Variants in ABCA13 observed in about 807,000 individuals in gnomAD.
ABCA13 encodes the protein ATP binding cassette subfamily A member 13.
In ABCA13, 476 loss-of-function variants were observed where a neutral mutation model predicts 478.7. The observed-to-expected ratio is 0.99, with a 90% CI of 0.92 to 1.07. The LOEUF is 1.07. Among genes scored for constraint, ABCA13 ranks in the 50% least tolerant of loss-of-function variants. The pLI, the probability that ABCA13 is intolerant of heterozygous loss-of-function variation, is 0.00. For missense variants in ABCA13, 6,060 were observed against 5,910.6 expected (o/e 1.03, Z -0.83); for synonymous variants, 2,252 against 2,158.9 (o/e 1.04, Z -1.20).
At chr7:48,234,444 G>A (rs1358977182) in intron 8 of ABCA13, among the ~76,000 whole-genome samples, 4 of 152,194 alleles carry the variant, frequency 2.6e-5, no homozygotes, top group Non-Finnish European at 4.4e-5. Flanking sequence ...TCAAGTGAGG[G>A]TGTGAGATTC....
chr7:48,175,638 C>G (rs1005997533), intron 1 of ABCA13, among the ~76,000 whole-genome samples: 1 of 152,154 alleles, frequency 6.6e-6, no homozygotes, highest in African/African-American at 2.4e-5. Flanking sequence ...CCAGGCTTGC[C>G]TAGAACTCCT....
chr7:48,265,378 A>T (rs1562911350), intron 15 of ABCA13, among the ~76,000 whole-genome samples: 1 of 151,502 alleles, frequency 6.6e-6, no homozygotes, highest in Non-Finnish European at 1.5e-5. Flanking sequence ...ATTAAGGGAG[A>T]ATTAACTTTT....
intron 42 of ABCA13, among the ~76,000 whole-genome samples, chr7:48,451,437 C>T (rs1382870413): frequency 6.6e-6 from 1 of 152,134 alleles, no homozygotes; most frequent in African/African-American, 2.4e-5. Context: ...GACCTGTTCT[C>T]CCACCAGGAA....
intron 41 of ABCA13, among the ~76,000 whole-genome samples, chr7:48,417,930 C>T (rs1820247940): frequency 6.6e-6 from 1 of 152,178 alleles, no homozygotes; most frequent in Non-Finnish European, 1.5e-5. Context: ...GGGAATCATA[C>T]AACCCTTGTA....
intron 41 of ABCA13, among the ~76,000 whole-genome samples, chr7:48,416,321 G>A (rs1011882898): frequency 6.6e-6 from 1 of 152,242 alleles, no homozygotes; most frequent in African/African-American, 2.4e-5. Context: ...ATGTCTGATA[G>A]GTTCCGCCTA....
chr7:48,222,780 A>T (rs1472324122), intron 5 of ABCA13, among the ~76,000 whole-genome samples: 1 of 152,158 alleles, frequency 6.6e-6, no homozygotes, highest in East Asian at 1.9e-4. Context: ...ATACCGTTTG[A>T]TTTTCACTGA....
intron 41 of ABCA13, among the ~76,000 whole-genome samples, chr7:48,424,626 A>G (rs1024863215): frequency 3.3e-5 from 5 of 152,228 alleles, no homozygotes; most frequent in African/African-American, 1.2e-4. Context: ...TGGAAATTCT[A>G]TGTCCAGAAT....
At chr7:48,453,977 A>G (rs552813897) in intron 42 of ABCA13, among the ~76,000 whole-genome samples, 32 of 152,298 alleles carry the variant, frequency 2.1e-4, no homozygotes, top group African/African-American at 6.7e-4. Context: ...TCTCTTTCAC[A>G]TGGTACAGCT....
At position 48,273,264 on chromosome 7, in the gene ABCA13, C is replaced by T. The variant is rs2128752048; in HGVS notation, c.3598C>T (p.Leu1200Phe). Residue 1200 changes from leucine to phenylalanine, a missense_variant, in exon 17 of 62, where the codon CTT becomes TTT. Around this residue, in one of 3 missense-constraint regions of ABCA13, gnomAD observed 4,423 missense variants for 4,309.1 expected, o/e 1.03. Coordinates refer to ENST00000435803, the MANE Select transcript of ABCA13 (RefSeq NM_152701.5). ...AGTCTCTAAAAGCTGCCAGGGTATACTTCCCACCCATAATGTTGCTAGACT... is the reference window on the plus strand; with the variant it reads ...AGTCTCTAAAAGCTGCCAGGGTATATTTCCCACCCATAATGTTGCTAGACT... ...VKVSKSCQGILPTHNVARLIL... is the reference protein window; with the variant it reads ...VKVSKSCQGIFPTHNVARLIL... 6.2e-7 allele frequency: 1 copy of T among 1,613,682 alleles called. No homozygotes were observed. Among genetic ancestry groups the T allele is most frequent in the Non-Finnish European group, 8.5e-7 (1 of 1,179,764 alleles).
In ABCA13 at chr7:48,274,095, G is replaced by T; in HGVS notation, c.4429G>T (p.Val1477Phe). The change falls in exon 17 of 62, where the codon GTC becomes TTC. Residue 1477 changes from valine to phenylalanine, a missense_variant. Transcript: ENST00000435803. ...TDFLNIVLTT[V>F]FEKEKKPKFE... ...CTTTCTAAATATTGTACTTACTACA[G>T]TCTTTGAAAAAGAGAAGAAACCTAA... 6.2e-7 allele frequency: 1 copy of T among 1,606,696 alleles called. No homozygotes were observed. The highest frequency in any genetic ancestry group is 8.5e-7 in the Non-Finnish European group (1 of 1,176,040).
At chr7:48,594,036 G>A (rs1790034522) in intron 57 of ABCA13, among the ~76,000 whole-genome samples, 1 of 151,804 alleles carries the variant, frequency 6.6e-6, no homozygotes, top group Non-Finnish European at 1.5e-5. Context: ...TAATTTGTTG[G>A]GTTGAAGCTA....
At position 48,221,281 on chromosome 7, in the gene ABCA13, A is replaced by T; in HGVS notation, c.440A>T (p.Asp147Val). The change falls in exon 5 of 62, where the codon GAT becomes GTT. Residue 147 changes from aspartate (D) to valine (V), a missense_variant and splice_region_variant. Physicochemically the swap from Asp to Val is radical, Grantham distance 152 (BLOSUM62 -3). Around this residue, in one of 3 missense-constraint regions of ABCA13, gnomAD observed 4,423 missense variants for 4,309.1 expected, o/e 1.03. Transcript: ENST00000435803. ...ATCTCTTAAACCTTCTTTATTATAGATTCTTCTTATGGTTCCAGTTTTTTT... is the reference window on the plus strand; with the variant it reads ...ATCTCTTAAACCTTCTTTATTATAGTTTCTTCTTATGGTTCCAGTTTTTTT... ...RLWVERSNTP[D>V]SSYGSSFFTM... 1.7e-6 allele frequency: 2 copies of T among 1,165,452 alleles called. No individual in the cohort carries two copies. The highest frequency in any genetic ancestry group is 2.1e-4 in the Middle Eastern group (1 of 4,826). 72.2% of individuals were successfully genotyped at this position (1,165,452 alleles called of 1,614,324 possible). A position where few individuals can be genotyped will look rare whatever the true frequency, so the allele number is the denominator to read the frequency against.
At chr7:48,367,769 T>G in intron 31 of ABCA13, 25 bp from the exon 32 acceptor site, 3 of 1,523,178 alleles carry the variant, frequency 2.0e-6, no homozygotes, top group African/African-American at 1.4e-5. Flanking sequence ...TGTCTCCGGA[T>G]GCTGACTGAA....
intron 15 of ABCA13, among the ~76,000 whole-genome samples, chr7:48,267,023 A>G (rs756336492): frequency 6.6e-6 from 1 of 151,916 alleles, no homozygotes; most frequent in Non-Finnish European, 1.5e-5. Context: ...ATTTAATTTC[A>G]TTTTAACCAG....
chr7:48,519,333 T>C (rs1832365936), intron 52 of ABCA13, among the ~76,000 whole-genome samples: 1 of 152,228 alleles, frequency 6.6e-6, no homozygotes, highest in African/African-American at 2.4e-5. Context: ...ATGAGATTGC[T>C]GGGTCAAATC....
At chr7:48,573,181 T>C (rs975637090) in intron 55 of ABCA13, among the ~76,000 whole-genome samples, 14 of 152,082 alleles carry the variant, frequency 9.2e-5, no homozygotes, top group Admixed American at 9.2e-4. Context: ...GTTATAAAAT[T>C]TTTATTTGAT....
intron 10 of ABCA13, chr7:48,243,211 T>G (rs1481389501): frequency 1.3e-5 from 2 of 152,298 alleles, no homozygotes; most frequent in Non-Finnish European, 2.9e-5. Context: ...TCTGGCCATG[T>G]GGTATCCTTG....
At chr7:48,293,196 C>CA (rs1054093982) in intron 20 of ABCA13, among the ~76,000 whole-genome samples, 6 of 131,752 alleles carry the variant, frequency 4.6e-5, no homozygotes, top group African/African-American at 1.6e-4. Flanking sequence ...TCTTCAGCCC[C>CA]CCCCCCGCCA....
chr7:48,557,702 G>C (rs1395566141), intron 55 of ABCA13, among the ~76,000 whole-genome samples: 1 of 151,526 alleles, frequency 6.6e-6, no homozygotes, highest in Non-Finnish European at 1.5e-5. Context: ...TCTGCTTGGT[G>C]TTCTATTTGT....
Sources: gnomAD v4.1 joint callset for allele counts (sites outside exome capture counted in the v4.1 genomes callset) on GRCh38, gnomAD v4.1.1 for gene constraint, gnomAD v4.1.1 regional missense constraint, MANE v1.5 for transcripts, NCBI Gene and HGNC (gene_info 2026-07-23, HGNC 2026-07-21) for gene names.